Variants in VPS35L observed in about 807,000 individuals in gnomAD.
VPS35L encodes VPS35 endosomal protein sorting factor like.
VPS35L carries 83 observed loss-of-function variants against 133.0 expected under a neutral mutation model. The ratio of observed to expected loss-of-function variants is 0.62; its 90% CI spans 0.52 to 0.75. The LOEUF (loss-of-function observed/expected upper bound fraction) is 0.75. Ranked by LOEUF, VPS35L falls within the 30% of genes least tolerant of loss-of-function variation. The pLI, the probability that VPS35L is intolerant of heterozygous loss-of-function variation, is 0.00. For missense variants in VPS35L, 1,083 were observed against 1,206.8 expected (o/e 0.90, Z 1.52); for synonymous variants, 423 against 449.9 (o/e 0.94, Z 0.76).
At chr16:19,572,348 G>T (rs1345159205) in intron 3 of VPS35L, among the ~76,000 whole-genome samples, 2 of 152,188 alleles carry the variant, frequency 1.3e-5, no homozygotes, top group African/African-American at 2.4e-5. Flanking sequence ...AACCTGGGAT[G>T]CGGAGATTGC....
At chr16:19,583,989 C>T (rs1971788011) in intron 7 of VPS35L, among the ~76,000 whole-genome samples, 1 of 152,198 alleles carries the variant, frequency 6.6e-6, no homozygotes, top group South Asian at 2.1e-4. Context: ...GCCTATTTCA[C>T]TTAACATGAT....
chr16:19,575,777 C>T (rs1300095287), intron 5 of VPS35L, among the ~76,000 whole-genome samples: 2 of 151,520 alleles, frequency 1.3e-5, no homozygotes, highest in Admixed American at 6.6e-5. Context: ...GCAGGAGAAT[C>T]GCTTGAACCT....
chr16:19,687,917 A>G (rs1288289893), intron 28 of VPS35L, among the ~76,000 whole-genome samples: 10 of 151,730 alleles, frequency 6.6e-5, no homozygotes. Flanking sequence ...GTTTGAGACC[A>G]GCCTGGCCAA....
intron 7 of VPS35L, 78 bp downstream of exon 7, chr16:19,581,731 G>A (rs1567398680): frequency 6.5e-7 from 1 of 1,538,044 alleles, no homozygotes; most frequent in Admixed American, 1.7e-5. Flanking sequence ...GTTTTCAGGG[G>A]CCTACCTGCA....
chr16:19,643,516 T>A (rs1353231874), intron 22 of VPS35L, among the ~76,000 whole-genome samples: 1 of 152,182 alleles, frequency 6.6e-6, no homozygotes, highest in Non-Finnish European at 1.5e-5. Context: ...ATGTCCACGT[T>A]CCAGCCTGTG....
At chr16:19,611,514 A>C (rs963666321) in intron 12 of VPS35L, among the ~76,000 whole-genome samples, 4 of 152,180 alleles carry the variant, frequency 2.6e-5, no homozygotes, top group Non-Finnish European at 5.9e-5. Context: ...TCAGAAGGCG[A>C]GAACATGTAG....
At chr16:19,603,650 GAGAGGC>G (rs1171594327) in intron 9 of VPS35L, among the ~76,000 whole-genome samples, 1 of 152,194 alleles carries the variant, frequency 6.6e-6, no homozygotes, top group East Asian at 1.9e-4. Flanking sequence ...AGTGATCTGG[GAGAGGC>G]AGGCAGAGGC....
At chr16:19,570,868 T>TC (rs2093644952) in intron 3 of VPS35L, among the ~76,000 whole-genome samples, 1 of 85,412 alleles carries the variant, frequency 1.2e-5, no homozygotes, top group African/African-American at 5.5e-5. Flanking sequence ...TATATATATA[T>TC]ATATATATAT....
At chr16:19,626,858 G>A (rs1044290407) in intron 15 of VPS35L, among the ~76,000 whole-genome samples, 4 of 152,042 alleles carry the variant, frequency 2.6e-5, no homozygotes, top group Admixed American at 1.3e-4. Context: ...TGACTCTCAC[G>A]AATATGAGGT....
chr16:19,656,088 C>T (rs568540384), intron 26 of VPS35L, among the ~76,000 whole-genome samples: 100 of 151,652 alleles, frequency 6.6e-4, no homozygotes, highest in African/African-American at 2.3e-3. Context: ...CATGGTGAAA[C>T]CCCGTCTCTA....
In VPS35L at chr16:19,637,604, T is replaced by C; in HGVS notation, c.1646T>C (p.Ile549Thr). ...FEDSYPQLQL[I>T]IKKVIAHFHD... ...TTGTTTGTTTTACAGCTTCAGTTAATAATTAAGAAAGTTATTGCCCACTTC... is the reference window on the plus strand; with the variant it reads ...TTGTTTGTTTTACAGCTTCAGTTAACAATTAAGAAAGTTATTGCCCACTTC... The change falls in exon 20 of 31, where the codon ATA becomes ACA. Residue 549 changes from isoleucine (I) to threonine (T), a missense_variant. By Grantham distance (89) the Ile-to-Thr change is moderately conservative. Coordinates refer to ENST00000417362, the MANE Select transcript of VPS35L (RefSeq NM_020314.7). 2.6e-6 allele frequency: 4 copies of C among 1,558,852 alleles called. No individual in the cohort carries two copies. Among genetic ancestry groups the C allele is most frequent in the Non-Finnish European group, 3.5e-6 (4 of 1,145,026 alleles).
Position 19,698,913 on chromosome 16 carries a change from G to A in VPS35L, c.2647-589G>A, listed in dbSNP as rs531432098. ...AGCTGGAGTTCAGGTTCGGTCTGCC[G>A]TGACACTGTGGTTAGACTTTTTTTG... On this transcript the variant is annotated intron_variant, in intron 29 of 30. Coordinates refer to ENST00000417362, the MANE Select transcript of VPS35L (RefSeq NM_020314.7). 3.9e-5 allele frequency among the ~76,000 whole-genome samples: 6 copies of A among 152,288 alleles called. No homozygotes were observed. The South Asian group carries it at 6.2e-4, about 16-fold the overall frequency.
chr16:19,600,213 A>G (rs1972337808), intron 8 of VPS35L, among the ~76,000 whole-genome samples: 1 of 151,444 alleles, frequency 6.6e-6, no homozygotes, highest in Non-Finnish European at 1.5e-5. Context: ...TTTTCCATGT[A>G]TGGACAAGCT....
chr16:19,569,429 A>C lies in VPS35L; in HGVS notation c.123A>C (p.Thr41=). The change falls in exon 3 of 31, where the codon ACA becomes ACC. Residue 41 remains threonine, a synonymous_variant. Coordinates refer to ENST00000417362, the MANE Select transcript of VPS35L (RefSeq NM_020314.7). ...DYHPLKPITV[T]ESKTKKVNRK... Reference sequence around the variant, plus strand: ...TCCAGAAATTTTCCTCACAGGTCACAGAGTCAAAGACAAAGAAAGTGAACC... The same window carrying C: ...TCCAGAAATTTTCCTCACAGGTCACCGAGTCAAAGACAAAGAAAGTGAACC... 5 of 1,595,286 alleles carry C rather than the reference A, an allele frequency of 3.1e-6. No homozygotes were observed. Among genetic ancestry groups the C allele is most frequent in the Non-Finnish European group, 4.3e-6 (5 of 1,170,968 alleles).
At position 19,616,311 on chromosome 16, in the gene VPS35L, G is replaced by A. The variant is rs143851222; in HGVS notation, c.1101+120G>A. Reference sequence around the variant, plus strand: ...AAAGCTCTTTAAATGTGCAAGCCCTGGAAAATTACACTAGCTTCTGTTGTA... The same window carrying A: ...AAAGCTCTTTAAATGTGCAAGCCCTAGAAAATTACACTAGCTTCTGTTGTA... On this transcript the variant is annotated intron_variant, in intron 13 of 30. Transcript: ENST00000417362. 255 of 811,190 alleles carry A rather than the reference G, an allele frequency of 3.1e-4. No homozygotes were observed. In the African/African-American group the frequency reaches 3.6e-3, roughly 11 times the overall value. The allele number at this position is 811,190 out of a possible 1,614,324, so 50.2% of individuals were successfully genotyped here.
chr16:19,623,127 G>C (rs1775902056), intron 14 of VPS35L, among the ~76,000 whole-genome samples: 1 of 152,210 alleles, frequency 6.6e-6, no homozygotes, highest in Non-Finnish European at 1.5e-5. Flanking sequence ...TCAGCAGCTA[G>C]AAATGGATCA....
At chr16:19,678,477 G>A (rs1975138546) in intron 27 of VPS35L, among the ~76,000 whole-genome samples, 2 of 151,176 alleles carry the variant, frequency 1.3e-5, no homozygotes, top group African/African-American at 4.9e-5. Flanking sequence ...TGAACCATCT[G>A]TACATTTTTT....
intron 8 of VPS35L, among the ~76,000 whole-genome samples, chr16:19,599,050 A>G (rs1047746368): frequency 3.9e-5 from 6 of 152,166 alleles, no homozygotes; most frequent in Admixed American, 1.3e-4. Context: ...GTGTGGCGCT[A>G]TAGGGAACCC....
chr16:19,688,498 G>A (rs779534695), intron 28 of VPS35L, among the ~76,000 whole-genome samples: 3 of 152,178 alleles, frequency 2.0e-5, no homozygotes, highest in Non-Finnish European at 2.9e-5. Flanking sequence ...ACCACACCCC[G>A]AGGCACAGGC....
Sources: gnomAD v4.1 joint callset for allele counts (sites outside exome capture counted in the v4.1 genomes callset) on GRCh38, gnomAD v4.1.1 for gene constraint, MANE v1.5 for transcripts, NCBI Gene and HGNC (gene_info 2026-07-23, HGNC 2026-07-21) for gene names.